The following FAM151B variants were observed in gnomAD, a reference collection of about 807,000 sequenced individuals.
FAM151B encodes family with sequence similarity 151 member B.
A neutral mutation model predicts 31.2 loss-of-function variants in FAM151B; 24 were observed. The ratio of observed to expected loss-of-function variants is 0.77; its 90% CI spans 0.56 to 1.08. The LOEUF (loss-of-function observed/expected upper bound fraction) is 1.08, where lower values mean the gene tolerates loss of function less well. Ranked by LOEUF, FAM151B falls within the 50% of genes least tolerant of loss-of-function variation. The pLI is 0.00. For missense variants in FAM151B, 293 were observed against 328.6 expected, an observed-to-expected ratio of 0.89 and a Z score of 0.84; for synonymous variants, 105 against 111.4, an observed-to-expected ratio of 0.94 and a Z score of 0.36.
At chr5:80,527,420 C>G (rs937468521) in intron 5 of FAM151B, among the ~76,000 whole-genome samples, 1 of 113,724 alleles carries the variant, frequency 8.8e-6, no homozygotes, top group African/African-American at 3.2e-5. Flanking sequence ...AAGACTCTGT[C>G]TCAATTAAAA....
At chr5:80,496,296 C>A (rs1024999337) in intron 1 of FAM151B, among the ~76,000 whole-genome samples, 1 of 152,188 alleles carries the variant, frequency 6.6e-6, no homozygotes, top group South Asian at 2.1e-4. Context: ...TGAGGCAAGA[C>A]CCTCTACCAG....
chr5:80,520,313 TACA>T (rs1386993667), intron 4 of FAM151B, among the ~76,000 whole-genome samples: 1 of 152,180 alleles, frequency 6.6e-6, no homozygotes, highest in Non-Finnish European at 1.5e-5. Context: ...CAATATTTTT[TACA>T]ACTTGCTTTT....
At chr5:80,501,670 A>G in intron 1 of FAM151B, 122 bp from the exon 2 acceptor site, 1 of 618,206 alleles carries the variant, frequency 1.6e-6, no homozygotes. Flanking sequence ...CTATCTATCT[A>G]TCTATATATA....
intron 5 of FAM151B, among the ~76,000 whole-genome samples, chr5:80,531,456 A>G (rs1286657003): frequency 6.6e-6 from 1 of 152,228 alleles, no homozygotes; most frequent in Admixed American, 6.5e-5. Flanking sequence ...GGCAACCTAC[A>G]GAATGGGAGA....
At chr5:80,517,485 CAAG>C (rs1370211911) in intron 3 of FAM151B, among the ~76,000 whole-genome samples, 3 of 152,036 alleles carry the variant, frequency 2.0e-5, no homozygotes, top group African/African-American at 7.2e-5. Flanking sequence ...ATTACTTCGT[CAAG>C]TTTTAGAAAA....
intron 1 of FAM151B, among the ~76,000 whole-genome samples, chr5:80,499,694 A>G (rs897128924): frequency 1.3e-5 from 2 of 151,640 alleles, no homozygotes; most frequent in African/African-American, 4.8e-5. Context: ...AGACTATCCT[A>G]TATGTCTACT....
At chr5:80,519,509 A>G (rs1422045267) in intron 3 of FAM151B, among the ~76,000 whole-genome samples, 184 bp from the exon 4 acceptor site, 1 of 152,220 alleles carries the variant, frequency 6.6e-6, no homozygotes, top group East Asian at 1.9e-4. Context: ...GCACAGTTCA[A>G]CATTTAGAGA....
intron 2 of FAM151B, among the ~76,000 whole-genome samples, chr5:80,508,887 T>A (rs999475540): frequency 6.6e-6 from 1 of 152,172 alleles, no homozygotes; most frequent in African/African-American, 2.4e-5. Context: ...AAGGGTCATA[T>A]GGTTGTACCC....
intron 5 of FAM151B, among the ~76,000 whole-genome samples, chr5:80,540,913 G>GA (rs995876760): frequency 1.3e-5 from 2 of 152,104 alleles, no homozygotes; most frequent in African/African-American, 4.8e-5. Flanking sequence ...ATCATTAGTA[G>GA]AAAAAATGCT....
At chr5:80,529,714 A>G (rs1745140268) in intron 5 of FAM151B, among the ~76,000 whole-genome samples, 1 of 152,224 alleles carries the variant, frequency 6.6e-6, no homozygotes, top group African/African-American at 2.4e-5. Context: ...CGAATAGACC[A>G]ATAACAGGCT....
intron 5 of FAM151B, among the ~76,000 whole-genome samples, chr5:80,539,185 T>C (rs1373166157): frequency 6.6e-6 from 1 of 152,122 alleles, no homozygotes; most frequent in African/African-American, 2.4e-5. Context: ...AAATGTGTTA[T>C]TTTTCATATG....
intron 2 of FAM151B, among the ~76,000 whole-genome samples, chr5:80,512,122 G>T (rs752669850): frequency 6.6e-6 from 1 of 152,044 alleles, no homozygotes; most frequent in Admixed American, 6.6e-5. Flanking sequence ...TGATAAAAAC[G>T]TTGAAACTTT....
At chr5:80,529,051 T>C (rs1193242203) in intron 5 of FAM151B, among the ~76,000 whole-genome samples, 1 of 152,158 alleles carries the variant, frequency 6.6e-6, no homozygotes, top group Admixed American at 6.6e-5. Flanking sequence ...GAGACCACAG[T>C]GCAATCAAAC....
chr5:80,531,725 A>C (rs942080316), intron 5 of FAM151B, among the ~76,000 whole-genome samples: 6 of 152,238 alleles, frequency 3.9e-5, no homozygotes, highest in Non-Finnish European at 8.8e-5. Context: ...ATCATTAGAA[A>C]GTCAGGAAAT....
At chr5:80,488,749 A>G (rs952210973) in intron 1 of FAM151B, among the ~76,000 whole-genome samples, 1 of 152,176 alleles carries the variant, frequency 6.6e-6, no homozygotes, top group Non-Finnish European at 1.5e-5. Flanking sequence ...TTTTTCCCTA[A>G]TTGTAAAAAT....
At position 80,493,966 on chromosome 5, in the gene FAM151B, C is replaced by T. The variant is rs182895801; in HGVS notation, c.25+5818C>T. 2.1e-3 allele frequency among the ~76,000 whole-genome samples: 313 copies of T among 152,272 alleles called. 2 individuals carry two copies. The highest frequency in any genetic ancestry group is 7.2e-3 in the African/African-American group (300 of 41,542). On this transcript the variant is annotated intron_variant, in intron 1 of 5. Coordinates refer to ENST00000282226, the MANE Select transcript of FAM151B (RefSeq NM_205548.3). ...GTTTTGTGGCTCGGGGTCATCATCA[C>T]GGTCCTACCAATATGTGATGTCACC...
chr5:80,492,426 G>A (rs1743366943), intron 1 of FAM151B, among the ~76,000 whole-genome samples: 1 of 152,148 alleles, frequency 6.6e-6, no homozygotes, highest in Non-Finnish European at 1.5e-5. Flanking sequence ...TGTGAGCCTT[G>A]CTGGCTTGGG....
intron 5 of FAM151B, among the ~76,000 whole-genome samples, chr5:80,530,990 G>A (rs1027513084): frequency 1.3e-5 from 2 of 151,958 alleles, no homozygotes; most frequent in African/African-American, 4.8e-5. Context: ...CAAACTATAC[G>A]ACAAGGCTGC....
intron 5 of FAM151B, among the ~76,000 whole-genome samples, chr5:80,528,944 G>T (rs1561377344): frequency 6.6e-6 from 1 of 152,038 alleles, no homozygotes; most frequent in Non-Finnish European, 1.5e-5. Flanking sequence ...ATTCTTCTCA[G>T]CACCACATCG....
Sources: gnomAD v4.1 joint callset for allele counts (sites outside exome capture counted in the v4.1 genomes callset) on GRCh38, gnomAD v4.1.1 for gene constraint, MANE v1.5 for transcripts, NCBI Gene and HGNC (gene_info 2026-07-23, HGNC 2026-07-21) for gene names.